Variants in MICU1 observed in about 807,000 individuals in gnomAD.
MICU1 encodes the protein calcium uptake protein 1, mitochondrial.
In MICU1, 45 loss-of-function variants were observed where a neutral mutation model predicts 56.8. The observed-to-expected ratio is 0.79, with a 90% CI of 0.62 to 1.02. The LOEUF (loss-of-function observed/expected upper bound fraction) is 1.02, where lower values mean the gene tolerates loss of function less well. Ranked by LOEUF, MICU1 falls within the 50% of genes least tolerant of loss-of-function variation. The probability of loss-of-function intolerance (pLI) is 0.00; values close to 1 mark genes in which losing one functional copy is unlikely to be tolerated. For synonymous variants in MICU1, 186 were observed against 195.1 expected, an observed-to-expected ratio of 0.95 and a Z score of 0.39; for missense variants, 504 against 587.1, an observed-to-expected ratio of 0.86 and a Z score of 1.46.
At chr10:72,370,722 C>G (rs1444297214) in intron 11 of MICU1, among the ~76,000 whole-genome samples, 2 of 152,120 alleles carry the variant, frequency 1.3e-5, no homozygotes, top group Non-Finnish European at 2.9e-5. Context: ...ATTTACCAAG[C>G]TGTACACTTA....
At chr10:72,562,729 T>C (rs1177815504) in intron 3 of MICU1, 166 bp downstream of exon 3, 13 of 542,060 alleles carry the variant, frequency 2.4e-5, no homozygotes, top group Non-Finnish European at 3.5e-5. Flanking sequence ...TCCTTTAACC[T>C]CACATTCCAA....
In MICU1 at chr10:72,494,564, T is replaced by TA. The variant is rs1215395247; in HGVS notation, c.652+13590dup. ...CATTACATATTATCTCTGCAATGGC[T>TA]AAAAAGAGCTCTTTATTCGTTATCA... On this transcript the variant is annotated intron_variant, in intron 6 of 11. Coordinates refer to ENST00000361114, the MANE Select transcript of MICU1 (RefSeq NM_001195518.2). Among the ~76,000 whole-genome samples the TA allele has an allele frequency of 3.9e-5, 6 of 152,098 alleles. No individual in the cohort carries two copies. The East Asian group carries it at 1.2e-3, about 29-fold the overall frequency.
intron 10 of MICU1, among the ~76,000 whole-genome samples, chr10:72,400,575 A>C (rs1003609625): frequency 2.7e-4 from 41 of 152,048 alleles, no homozygotes; most frequent in African/African-American, 9.4e-4. Flanking sequence ...GTGAAACCCC[A>C]ACTCTACTAA....
At chr10:72,389,844 T>G (rs534787137) in intron 10 of MICU1, among the ~76,000 whole-genome samples, 2 of 152,192 alleles carry the variant, frequency 1.3e-5, no homozygotes, top group Non-Finnish European at 2.9e-5. Flanking sequence ...TAGAAAGCCA[T>G]TGGGAAAGGA....
At chr10:72,480,514 G>T (rs1351943500) in intron 6 of MICU1, among the ~76,000 whole-genome samples, 1 of 152,224 alleles carries the variant, frequency 6.6e-6, no homozygotes, top group Non-Finnish European at 1.5e-5. Flanking sequence ...AAACTGAGGA[G>T]TGAGGAGAAG....
At chr10:72,424,566 C>T (rs1421506118) in intron 8 of MICU1, among the ~76,000 whole-genome samples, 2 of 152,122 alleles carry the variant, frequency 1.3e-5, no homozygotes, top group African/African-American at 4.8e-5. Flanking sequence ...ATCTGCCTGC[C>T]TTGGCCTCCT....
chr10:72,619,440 G>A (rs536710690), intron 1 of MICU1, among the ~76,000 whole-genome samples: 1 of 151,992 alleles, frequency 6.6e-6, no homozygotes, highest in African/African-American at 2.4e-5. Context: ...TCAAGACTCC[G>A]TCTCAAAAAA....
chr10:72,508,392 A>G (rs1867331460), intron 5 of MICU1, 123 bp from the exon 6 acceptor site: 1 of 439,082 alleles, frequency 2.3e-6, no homozygotes, highest in African/African-American at 2.0e-5. Flanking sequence ...CATTTCTCTC[A>G]TGGCCATTCA....
chr10:72,611,854 G>A (rs975670566), intron 1 of MICU1, among the ~76,000 whole-genome samples: 6 of 151,930 alleles, frequency 3.9e-5, no homozygotes, highest in African/African-American at 1.5e-4. Flanking sequence ...GGGCACTGTG[G>A]TGTGTCCCTA....
intron 6 of MICU1, among the ~76,000 whole-genome samples, chr10:72,493,549 C>A (rs1225993803): frequency 6.6e-6 from 1 of 152,116 alleles, no homozygotes; most frequent in African/African-American, 2.4e-5. Flanking sequence ...ACCTGCTGGG[C>A]TCAGGTGATT....
At chr10:72,458,081 C>T (rs1055962629) in intron 8 of MICU1, among the ~76,000 whole-genome samples, 2 of 151,490 alleles carry the variant, frequency 1.3e-5, no homozygotes, top group East Asian at 1.9e-4. Context: ...GCAGGAGAGT[C>T]GCTTGAACCT....
At position 72,440,130 on chromosome 10, in the gene MICU1, C is replaced by T. The variant is rs150606658; in HGVS notation, c.934-16759G>A. Among the ~76,000 whole-genome samples, 468 of 152,198 alleles carry T rather than the reference C, an allele frequency of 3.1e-3. 3 individuals are homozygous for T. Among genetic ancestry groups the T allele is most frequent in the African/African-American group, 9.8e-3 (406 of 41,532 alleles). On this transcript the variant is annotated intron_variant, in intron 8 of 11. Transcript: ENST00000361114. Reference sequence around the variant, plus strand: ...CAAAAGAACAAAGCTGGAGGCATCACGCTACCTGACTTCAAACTATACTAC... The same window carrying T: ...CAAAAGAACAAAGCTGGAGGCATCATGCTACCTGACTTCAAACTATACTAC...
At chr10:72,471,152 T>C (rs1865938783) in intron 8 of MICU1, among the ~76,000 whole-genome samples, 1 of 152,162 alleles carries the variant, frequency 6.6e-6, no homozygotes, top group Non-Finnish European at 1.5e-5. Context: ...TGGCGCAATC[T>C]TGGCTTACTG....
At chr10:72,413,362 T>G (rs918697099) in intron 9 of MICU1, among the ~76,000 whole-genome samples, 1 of 152,164 alleles carries the variant, frequency 6.6e-6, no homozygotes, top group African/African-American at 2.4e-5. Context: ...TTTAAAAAAT[T>G]TGTGCTTCAA....
chr10:72,554,761 T>C (rs983786515), intron 3 of MICU1, among the ~76,000 whole-genome samples: 1 of 152,224 alleles, frequency 6.6e-6, no homozygotes, highest in Non-Finnish European at 1.5e-5. Context: ...ATGCCTGTAA[T>C]CCCAGCACTT....
intron 9 of MICU1, among the ~76,000 whole-genome samples, chr10:72,411,679 A>G (rs1335956353): frequency 6.6e-6 from 1 of 152,154 alleles, no homozygotes; most frequent in African/African-American, 2.4e-5. Flanking sequence ...TTGAAAGGGT[A>G]TTTGAGGCTA....
At chr10:72,517,738 G>A (rs1589299898) in intron 5 of MICU1, among the ~76,000 whole-genome samples, 1 of 151,368 alleles carries the variant, frequency 6.6e-6, no homozygotes, top group Non-Finnish European at 1.5e-5. Flanking sequence ...CTTACTCATG[G>A]AACCAAATAC....
intron 8 of MICU1, among the ~76,000 whole-genome samples, chr10:72,455,739 G>A (rs569465178): frequency 3.3e-5 from 5 of 152,004 alleles, no homozygotes; most frequent in South Asian, 2.1e-4. Context: ...CATTTAAAAC[G>A]TCCAATACTT....
At chr10:72,468,653 A>C (rs1865866099) in intron 8 of MICU1, among the ~76,000 whole-genome samples, 1 of 152,176 alleles carries the variant, frequency 6.6e-6, no homozygotes, top group South Asian at 2.1e-4. Context: ...AAGAGCATTA[A>C]AATAGCTGTA....
Sources: allele counts gnomAD v4.1 joint callset (sites outside exome capture counted in the v4.1 genomes callset), GRCh38; gene constraint gnomAD v4.1.1; transcripts MANE v1.5; gene names NCBI Gene and HGNC (gene_info 2026-07-23, HGNC 2026-07-21).